CETP: variants seen among roughly 807,000 people sequenced by gnomAD.
CETP encodes the protein cholesteryl ester transfer protein, also known as BPI fold containing family F.
CETP carries 56 observed loss-of-function variants against 66.5 expected under a neutral mutation model. That is an observed-to-expected ratio of 0.84 (90% CI 0.68 to 1.05). The LOEUF is 1.05. Ranked by LOEUF, CETP falls within the 50% of genes least tolerant of loss-of-function variation. CETP has a pLI of 0.00. For missense variants in CETP, 612 were observed against 609.6 expected (o/e 1.00, Z -0.04); for synonymous variants, 251 against 245.7 (o/e 1.02, Z -0.20).
At chr16:56,967,362 A>C (rs568970578) in intron 2 of CETP, among the ~76,000 whole-genome samples, 92 of 149,954 alleles carry the variant, frequency 6.1e-4, no homozygotes, top group African/African-American at 2.0e-3. Flanking sequence ...AAACAAACAA[A>C]CAAAAAAAAC....
intron 11 of CETP, among the ~76,000 whole-genome samples, chr16:56,979,161 G>C (rs1240100733): frequency 6.6e-6 from 1 of 152,118 alleles, no homozygotes; most frequent in African/African-American, 2.4e-5. Flanking sequence ...AGTGGACAAT[G>C]GTGTTTATTA....
chr16:56,964,385 C>T (rs1283493230), intron 2 of CETP, among the ~76,000 whole-genome samples: 2 of 152,120 alleles, frequency 1.3e-5, no homozygotes, highest in African/African-American at 4.8e-5. Flanking sequence ...ATGCCATCGC[C>T]CGGATGACCC....
chr16:56,965,532 T>C (rs909448368), intron 2 of CETP, among the ~76,000 whole-genome samples: 1 of 152,194 alleles, frequency 6.6e-6, no homozygotes, highest in Non-Finnish European at 1.5e-5. Flanking sequence ...ACTGAGGTTT[T>C]CTGAAGCCAC....
rs1399718630 is a variant in CETP, at chr16:56,971,117, C to T, written c.597+15C>T. On this transcript the variant is annotated intron_variant, in intron 6 of 15. Transcript: ENST00000200676. The stretch of plus-strand genomic sequence containing the variant: ...TGAAGGGACAGGTGAGTGAGGCTGG[C>T]TGACTCCCTGTGGTCCAGGGCCATG... The T allele has an allele frequency of 5.6e-6, 9 of 1,612,790 alleles. No homozygotes were observed. Among genetic ancestry groups the T allele is most frequent in the Non-Finnish European group, 7.6e-6 (9 of 1,179,196 alleles).
chr16:56,965,540 C>T (rs2056059893), intron 2 of CETP, among the ~76,000 whole-genome samples: 1 of 152,142 alleles, frequency 6.6e-6, no homozygotes, highest in Non-Finnish European at 1.5e-5. Flanking sequence ...TTTCTGAAGC[C>T]ACATAAGCTG....
rs35404403 is a variant in CETP at position 56,966,768 on chromosome 16, C to CT, written c.234-2602dup. ...GCATATGCCACCACTCCCGGCTAATCTTTTTTTTTTTTTTTTATGCATTTT... is the reference window on the plus strand; with the variant it reads ...GCATATGCCACCACTCCCGGCTAATCTTTTTTTTTTTTTTTTTATGCATTTT... On this transcript the variant is annotated intron_variant, in intron 2 of 15. Coordinates refer to ENST00000200676, the MANE Select transcript of CETP (RefSeq NM_000078.3). Among the ~76,000 whole-genome samples, 1,080 of 138,520 alleles carry CT rather than the reference C, an allele frequency of 7.8e-3. 8 individuals carry two copies. The highest frequency in any genetic ancestry group is 0.023 in the Admixed American group (317 of 13,996). 90.9% of individuals were successfully genotyped at this position (138,520 alleles called of 152,430 possible). A position where few individuals can be genotyped will look rare whatever the true frequency, so the allele number is the denominator to read the frequency against.
rs34523084 is a variant in CETP at position 56,971,251 on chromosome 16, C to T, written c.598-70C>T. 8,543 of 1,564,496 alleles carry T rather than the reference C, an allele frequency of 5.5e-3. 34 individuals carry two copies. Among genetic ancestry groups the T allele is most frequent in the Non-Finnish European group, 6.4e-3 (7,333 of 1,137,504 alleles). Reference sequence around the variant, plus strand: ...CCGGTCCCCAGCACTGCCACCACCACGCAGCTGGAAGGAGGCACTGCCTCT... The same window carrying T: ...CCGGTCCCCAGCACTGCCACCACCATGCAGCTGGAAGGAGGCACTGCCTCT... On this transcript the variant is annotated intron_variant, in intron 6 of 15. Transcript: ENST00000200676.
rs1261008710 is a variant in CETP, at chr16:56,969,649, C to G, written c.407C>G (p.Ser136Cys). 6.2e-7 allele frequency: 1 copy of G among 1,614,048 alleles called. No homozygotes were observed. The highest frequency in any genetic ancestry group is 2.2e-5 in the East Asian group (1 of 44,878). ...IDQSIDFEID[S>C]AIDLQINTQL... ...CAGTCCATTGACTTCGAGATCGACT[C>G]TGCCATTGACCTCCAGATCAACACA... Residue 136 changes from serine (S) to cysteine (C), a missense_variant, in exon 4 of 16, where the codon TCT becomes TGT. By Grantham distance (112) the Ser-to-Cys change is moderately radical. Coordinates refer to ENST00000200676, the MANE Select transcript of CETP (RefSeq NM_000078.3).
chr16:56,969,801 G>T, intron 4 of CETP, 113 bp from the exon 5 acceptor site: 2 of 1,538,494 alleles, frequency 1.3e-6, no homozygotes, highest in African/African-American at 1.4e-5. Flanking sequence ...AGCCTGGGAA[G>T]TTTGCAGGGG....
chr16:56,980,069 C>T (rs1356107338), intron 11 of CETP, among the ~76,000 whole-genome samples: 1 of 152,220 alleles, frequency 6.6e-6, no homozygotes, highest in African/African-American at 2.4e-5. Flanking sequence ...GCTTTGTCCA[C>T]ATCTTACATA....
intron 2 of CETP, among the ~76,000 whole-genome samples, chr16:56,966,606 TG>T (rs1157232065): frequency 6.6e-6 from 1 of 152,140 alleles, no homozygotes; most frequent in Non-Finnish European, 1.5e-5. Context: ...TTTGTTTTTT[TG>T]TTTGTTTTTG....
Position 56,973,551 on chromosome 16 carries a change from A to C in CETP, c.930+41A>C, listed in dbSNP as rs768204247. The C allele has an allele frequency of 6.2e-6, 10 of 1,609,474 alleles. No individual in the cohort carries two copies. In the South Asian group the frequency reaches 1.1e-4, roughly 18 times the overall value. On this transcript the variant is annotated intron_variant, in intron 9 of 15. Transcript: ENST00000200676. ...TGGGCTGCTAGGGGATCCAGATGGC[A>C]TGTGGTATGTGTGTGTGTGCACACG...
chr16:56,982,094 C>T, intron 13 of CETP, 71 bp from the exon 14 acceptor site: 1 of 1,381,544 alleles, frequency 7.2e-7, no homozygotes, highest in Non-Finnish European at 1.0e-6. Flanking sequence ...CTTGTCCAGG[C>T]CGTGCAGCAT....
intron 12 of CETP, 75 bp downstream of exon 12, chr16:56,981,300 G>T: frequency 8.1e-7 from 1 of 1,235,418 alleles, no homozygotes; most frequent in South Asian, 1.2e-5. Context: ...CAGGCACAGG[G>T]CGGGGTGTTG....
intron 2 of CETP, among the ~76,000 whole-genome samples, chr16:56,967,173 C>G (rs4784740): frequency 0.022 from 3,393 of 150,872 alleles, 134 homozygotes; most frequent in African/African-American, 0.075. Context: ...CATGGTGAAA[C>G]CCTATCTCTA....
chr16:56,974,922 C>T (rs1184152872), intron 9 of CETP, among the ~76,000 whole-genome samples, 179 bp from the exon 10 acceptor site: 6 of 152,198 alleles, frequency 3.9e-5, no homozygotes, highest in East Asian at 1.9e-4. Context: ...GGCCTCCAGC[C>T]GGGACAGGGG....
chr16:56,969,718 G>GACTC, intron 4 of CETP, 37 bp downstream of exon 4: 1 of 1,610,016 alleles, frequency 6.2e-7, no homozygotes, highest in Non-Finnish European at 8.5e-7. Context: ...GTGGGAGCTG[G>GACTC]ACTCCAGGGC....
chr16:56,964,141 C>T (rs2056048049), intron 2 of CETP, among the ~76,000 whole-genome samples: 1 of 151,998 alleles, frequency 6.6e-6, no homozygotes, highest in African/African-American at 2.4e-5. Context: ...GTTCTCCTGC[C>T]TCAGCCTCCC....
intron 15 of CETP, 62 bp downstream of exon 15, chr16:56,983,473 C>T: frequency 1.9e-6 from 3 of 1,597,392 alleles, no homozygotes; most frequent in Non-Finnish European, 2.6e-6. Flanking sequence ...GACAGGATTC[C>T]TGGGGTGACT....
Sources: gnomAD v4.1 joint callset for allele counts (sites outside exome capture counted in the v4.1 genomes callset) on GRCh38, gnomAD v4.1.1 for gene constraint, MANE v1.5 for transcripts, NCBI Gene and HGNC (gene_info 2026-07-23, HGNC 2026-07-21) for gene names.